Variants in CNTNAP2 observed in about 807,000 individuals in gnomAD.
CNTNAP2 encodes contactin associated protein 2.
Under a neutral mutation model 155.2 loss-of-function variants are expected in CNTNAP2, and 98 were observed. The observed-to-expected ratio is 0.63, with a 90% confidence interval of 0.54 to 0.75. CNTNAP2 has a LOEUF of 0.75. CNTNAP2 is among the 30% of genes least tolerant of loss of function. CNTNAP2 has a pLI of 0.00. For synonymous variants in CNTNAP2, 651 were observed against 631.2 expected, an observed-to-expected ratio of 1.03 and a Z score of -0.47; for missense variants, 1,727 against 1,688.1, an observed-to-expected ratio of 1.02 and a Z score of -0.40.
chr7:147,025,772 T>A (rs1216676789), intron 3 of CNTNAP2, among the ~76,000 whole-genome samples: 1 of 152,098 alleles, frequency 6.6e-6, no homozygotes, highest in Non-Finnish European at 1.5e-5. Context: ...TCATTCTGTA[T>A]GTGTGTGTAT....
intron 4 of CNTNAP2, among the ~76,000 whole-genome samples, chr7:147,103,110 A>G (rs1214322805): frequency 1.3e-5 from 2 of 152,328 alleles, no homozygotes; most frequent in South Asian, 2.1e-4. Flanking sequence ...TCCAATTAAT[A>G]GAAATATGAG....
chr7:146,299,838 A>T (rs1483229298), intron 1 of CNTNAP2, among the ~76,000 whole-genome samples: 1 of 152,152 alleles, frequency 6.6e-6, no homozygotes, highest in Admixed American at 6.5e-5. Context: ...CTACCTTCTG[A>T]ATATTGAAGG....
chr7:147,633,490 T>C (rs113012067), intron 12 of CNTNAP2, among the ~76,000 whole-genome samples: 41 of 152,200 alleles, frequency 2.7e-4, no homozygotes, highest in African/African-American at 8.9e-4. Flanking sequence ...TTGAAGACCA[T>C]TGGAAAGGCA....
At chr7:146,647,250 C>G (rs1799830076) in intron 1 of CNTNAP2, among the ~76,000 whole-genome samples, 2 of 152,152 alleles carry the variant, frequency 1.3e-5, no homozygotes, top group South Asian at 4.1e-4. Context: ...CCATTCTGGA[C>G]TTTATCTCGA....
chr7:146,721,397 A>ATATT lies in CNTNAP2; in HGVS notation c.98-52874_98-52873insTATT, dbSNP rs1278865547. Among the ~76,000 whole-genome samples the ATATT allele has an allele frequency of 8.8e-4, 114 of 128,944 alleles. 2 individuals carry two copies. The highest frequency in any genetic ancestry group is 3.4e-3 in the East Asian group (15 of 4,434). 84.6% of individuals were successfully genotyped at this position (128,944 alleles called of 152,430 possible). A position where few individuals can be genotyped will look rare whatever the true frequency, so the allele number is the denominator to read the frequency against. On this transcript the variant is annotated intron_variant, in intron 1 of 23. Coordinates refer to ENST00000361727, the MANE Select transcript of CNTNAP2 (RefSeq NM_014141.6). ...TATACATTCTATATACATTCTATAT[A>ATATT]CATTCTATATATATTCTATATATAC...
intron 18 of CNTNAP2, among the ~76,000 whole-genome samples, chr7:148,211,566 T>C (rs4520084): frequency 0.5 from 76,720 of 151,996 alleles, 19,734 homozygotes; most frequent in East Asian, 0.64. Context: ...ATTGACATCA[T>C]GGGAAATAGG....
intron 12 of CNTNAP2, among the ~76,000 whole-genome samples, chr7:147,622,976 A>G (rs1361168535): frequency 6.6e-6 from 1 of 152,116 alleles, no homozygotes. Flanking sequence ...ATTGGTGGCT[A>G]CAATGAGCAA....
chr7:148,195,224 G>A (rs1795257876), intron 18 of CNTNAP2, among the ~76,000 whole-genome samples: 1 of 152,182 alleles, frequency 6.6e-6, no homozygotes, highest in African/African-American at 2.4e-5. Flanking sequence ...TTCTCATTAT[G>A]TATTGTCAGT....
chr7:146,642,394 T>C (rs1799726675), intron 1 of CNTNAP2, among the ~76,000 whole-genome samples: 1 of 147,230 alleles, frequency 6.8e-6, no homozygotes, highest in Non-Finnish European at 1.5e-5. Context: ...CACCTATGAG[T>C]GAGAATATGC....
At chr7:148,232,841 CATT>C (rs1239083933) in intron 20 of CNTNAP2, among the ~76,000 whole-genome samples, 7 of 152,208 alleles carry the variant, frequency 4.6e-5, no homozygotes, top group African/African-American at 1.7e-4. Flanking sequence ...CTAAAGCTAA[CATT>C]AAATTAATCT....
At chr7:147,987,818 C>A (rs1801645156) in intron 15 of CNTNAP2, among the ~76,000 whole-genome samples, 1 of 152,132 alleles carries the variant, frequency 6.6e-6, no homozygotes, top group Admixed American at 6.5e-5. Context: ...CCTCAGCCTC[C>A]CAAGTAGCTG....
intron 10 of CNTNAP2, among the ~76,000 whole-genome samples, chr7:147,430,717 A>G (rs1048395732): frequency 1.3e-5 from 2 of 152,120 alleles, no homozygotes; most frequent in African/African-American, 4.8e-5. Context: ...AGGAGGAGGG[A>G]GCATTATAGG....
chr7:148,295,667 AT>A lies in CNTNAP2; in HGVS notation c.3475+28546del, dbSNP rs745625890. On this transcript the variant is annotated intron_variant, in intron 21 of 23. Transcript: ENST00000361727. The stretch of plus-strand genomic sequence containing the variant: ...CCACCGCGCCTGGCTAATTTTTTGT[AT>A]TTTTAGTAGAGACAGGGTTTCACCG... 6.1e-5 allele frequency among the ~76,000 whole-genome samples: 9 copies of A among 147,874 alleles called. No individual in the cohort carries two copies. In the East Asian group the frequency reaches 1.2e-3, roughly 19 times the overall value.
chr7:147,056,168 A>G (rs1354728550), intron 4 of CNTNAP2, among the ~76,000 whole-genome samples: 1 of 152,178 alleles, frequency 6.6e-6, no homozygotes, highest in African/African-American at 2.4e-5. Context: ...CTTCCCTGTT[A>G]TCAGAACAGA....
intron 22 of CNTNAP2, among the ~76,000 whole-genome samples, chr7:148,394,195 T>G (rs1799415775): frequency 6.6e-6 from 1 of 152,168 alleles, no homozygotes; most frequent in Admixed American, 6.5e-5. Context: ...TCCCTGGAAA[T>G]TTATTTGGGT....
At chr7:146,209,947 G>A (rs560471008) in intron 1 of CNTNAP2, among the ~76,000 whole-genome samples, 2 of 152,252 alleles carry the variant, frequency 1.3e-5, no homozygotes, top group Admixed American at 6.5e-5. Context: ...ATTTCAACAA[G>A]AAGAAAACTT....
chr7:146,223,689 A>G (rs1471199542), intron 1 of CNTNAP2, among the ~76,000 whole-genome samples: 1 of 152,222 alleles, frequency 6.6e-6, no homozygotes, highest in Admixed American at 6.5e-5. Flanking sequence ...ACCACTGTCA[A>G]GCTTCCCGCT....
intron 1 of CNTNAP2, among the ~76,000 whole-genome samples, chr7:146,315,233 G>C (rs1800887895): frequency 6.6e-6 from 1 of 152,172 alleles, no homozygotes; most frequent in Admixed American, 6.5e-5. Context: ...CTCAGAGGCA[G>C]TTCAAATTCT....
Position 146,483,328 on chromosome 7 carries a change from T to TAC in CNTNAP2, c.98-290941_98-290940dup, listed in dbSNP as rs1554439609. Among the ~76,000 whole-genome samples the TAC allele has an allele frequency of 8.6e-3, 702 of 81,444 alleles. 9 individuals carry two copies. Among genetic ancestry groups the TAC allele is most frequent in the African/African-American group, 0.023 (352 of 15,382 alleles). The allele number at this position is 81,444 out of a possible 152,430, so 53.4% of individuals were successfully genotyped here. On this transcript the variant is annotated intron_variant, in intron 1 of 23. Coordinates refer to ENST00000361727, the MANE Select transcript of CNTNAP2 (RefSeq NM_014141.6). Reference sequence around the variant, plus strand: ...ATATATATATATATATATATATATATACATATATATATATTTAAGCACAGA... The same window carrying TAC: ...ATATATATATATATATATATATATATACACATATATATATATTTAAGCACAGA...
Sources: gnomAD v4.1 joint callset for allele counts (sites outside exome capture counted in the v4.1 genomes callset) on GRCh38, gnomAD v4.1.1 for gene constraint, MANE v1.5 for transcripts, NCBI Gene and HGNC (gene_info 2026-07-23, HGNC 2026-07-21) for gene names.